The following ZNF277 variants were observed in gnomAD, a reference collection of about 807,000 sequenced individuals.
ZNF277 encodes the protein nuclear receptor-interacting factor 4.
Under a neutral mutation model 60.7 loss-of-function variants are expected in ZNF277, and 55 were observed. The observed-to-expected ratio is 0.91, with a 90% confidence interval of 0.73 to 1.13. ZNF277 has a LOEUF of 1.13. ZNF277 is among the 50% of genes most tolerant of loss of function. The probability of loss-of-function intolerance (pLI) is 0.00; values close to 1 mark genes in which losing one functional copy is unlikely to be tolerated. For missense variants in ZNF277, 510 were observed against 523.0 expected (o/e 0.98, Z 0.24); for synonymous variants, 178 against 179.3 (o/e 0.99, Z 0.06).
intron 1 of ZNF277, among the ~76,000 whole-genome samples, chr7:112,244,671 T>G (rs925013387): frequency 2.0e-5 from 3 of 152,108 alleles, no homozygotes; most frequent in African/African-American, 7.2e-5. Context: ...ACATATATAG[T>G]TTTCTCTATT....
At chr7:112,252,919 C>T (rs2117012036) in intron 1 of ZNF277, among the ~76,000 whole-genome samples, 1 of 152,210 alleles carries the variant, frequency 6.6e-6, no homozygotes, top group African/African-American at 2.4e-5. Flanking sequence ...AACTGGGCCA[C>T]CTACTGAGGA....
At chr7:112,293,017 G>A (rs570029117) in intron 2 of ZNF277, among the ~76,000 whole-genome samples, 10 of 152,148 alleles carry the variant, frequency 6.6e-5, no homozygotes, top group African/African-American at 1.9e-4. Context: ...TTTGGACAGC[G>A]TGCTTTACAT....
At chr7:112,258,436 C>T (rs570576281) in intron 1 of ZNF277, among the ~76,000 whole-genome samples, 1 of 151,680 alleles carries the variant, frequency 6.6e-6, no homozygotes, top group African/African-American at 2.4e-5. Context: ...CTATGCAAAG[C>T]CATACAGTAT....
chr7:112,280,719 G>A (rs755592236), intron 1 of ZNF277, among the ~76,000 whole-genome samples: 1 of 151,664 alleles, frequency 6.6e-6, no homozygotes, highest in African/African-American at 2.4e-5. Context: ...TCTGCTCCCC[G>A]GGTTCAAGCA....
chr7:112,317,677 GA>G (rs1792872244), intron 4 of ZNF277, among the ~76,000 whole-genome samples: 1 of 152,062 alleles, frequency 6.6e-6, no homozygotes, highest in South Asian at 2.1e-4. Context: ...GAATATGTTA[GA>G]AAAGGGATTG....
chr7:112,237,230 G>A (rs956117657), intron 1 of ZNF277, among the ~76,000 whole-genome samples: 22 of 152,066 alleles, frequency 1.4e-4, no homozygotes, highest in African/African-American at 2.9e-4. Flanking sequence ...CAAAAGCAGC[G>A]CTAAGAAGAA....
chr7:112,244,833 AT>A (rs1281194416), intron 1 of ZNF277, among the ~76,000 whole-genome samples: 1 of 152,102 alleles, frequency 6.6e-6, no homozygotes, highest in East Asian at 1.9e-4. Context: ...ATTAAACAAA[AT>A]TTTTTATAAT....
At chr7:112,325,557 G>A (rs978740429) in intron 5 of ZNF277, among the ~76,000 whole-genome samples, 4 of 152,128 alleles carry the variant, frequency 2.6e-5, no homozygotes, top group African/African-American at 7.2e-5. Flanking sequence ...GTTAGCCCTC[G>A]TTCCCTCACT....
At chr7:112,340,430 A>G (rs1459601208) in intron 10 of ZNF277, among the ~76,000 whole-genome samples, 1 of 152,246 alleles carries the variant, frequency 6.6e-6, no homozygotes, top group Non-Finnish European at 1.5e-5. Flanking sequence ...GATCTAAGAC[A>G]GTAAAAAACT....
intron 1 of ZNF277, among the ~76,000 whole-genome samples, chr7:112,259,816 A>T (rs1487309280): frequency 6.6e-6 from 1 of 152,144 alleles, no homozygotes; most frequent in Non-Finnish European, 1.5e-5. Flanking sequence ...TCTTTCTAGA[A>T]AGGAATAAAA....
intron 1 of ZNF277, among the ~76,000 whole-genome samples, chr7:112,215,509 G>A (rs565376212): frequency 9.2e-5 from 14 of 152,298 alleles, no homozygotes; most frequent in African/African-American, 2.6e-4. Flanking sequence ...AGTGTAGTTG[G>A]TGGGCTCTGC....
At chr7:112,219,731 G>A (rs1163134318) in intron 1 of ZNF277, among the ~76,000 whole-genome samples, 6 of 152,166 alleles carry the variant, frequency 3.9e-5, no homozygotes, top group Non-Finnish European at 8.8e-5. Flanking sequence ...GATCTATTGG[G>A]CTCAAGCAAT....
At chr7:112,270,089 G>C (rs1791635237) in intron 1 of ZNF277, among the ~76,000 whole-genome samples, 1 of 152,026 alleles carries the variant, frequency 6.6e-6, no homozygotes, top group African/African-American at 2.4e-5. Flanking sequence ...TTCGCATCCA[G>C]AATCAGTCCA....
intron 2 of ZNF277, 185 bp downstream of exon 2, chr7:112,287,259 C>T (rs1792090843): frequency 1.0e-5 from 6 of 602,018 alleles, no homozygotes; most frequent in Non-Finnish European, 1.7e-5. Context: ...CCTGTAGTTC[C>T]AGCTACTTGG....
chr7:112,260,391 CAT>C (rs1242278750), intron 1 of ZNF277, among the ~76,000 whole-genome samples: 4 of 152,218 alleles, frequency 2.6e-5, no homozygotes, highest in Non-Finnish European at 5.9e-5. Flanking sequence ...AAATATGTCA[CAT>C]ATTATTTACA....
At chr7:112,277,437 A>G (rs1360145360) in intron 1 of ZNF277, among the ~76,000 whole-genome samples, 1 of 152,108 alleles carries the variant, frequency 6.6e-6, no homozygotes, top group Non-Finnish European at 1.5e-5. Flanking sequence ...ATTAACATAC[A>G]CACAGTATTT....
At chr7:112,213,578 C>T (rs958292473) in intron 1 of ZNF277, among the ~76,000 whole-genome samples, 8 of 152,174 alleles carry the variant, frequency 5.3e-5, no homozygotes, top group African/African-American at 1.9e-4. Context: ...ATTTCATCTT[C>T]ATAGCAACCC....
chr7:112,218,810 T>C (rs1378229676), intron 1 of ZNF277, among the ~76,000 whole-genome samples: 1 of 152,246 alleles, frequency 6.6e-6, no homozygotes, highest in African/African-American at 2.4e-5. Flanking sequence ...TTCGTAAGGC[T>C]GAATGATACT....
rs1793487877 is a variant in ZNF277 at position 112,343,801 on chromosome 7, C to T, written c.*1072C>T. Reference sequence around the variant, plus strand: ...ATTAGCCAGGCATGGTGGAATGCACCTATAGTCCCAGCTACTTGGGAGGCT... The same window carrying T: ...ATTAGCCAGGCATGGTGGAATGCACTTATAGTCCCAGCTACTTGGGAGGCT... On this transcript the variant is annotated 3_prime_UTR_variant, in exon 12 of 12. Transcript: ENST00000361822. Among the ~76,000 whole-genome samples the T allele has an allele frequency of 1.3e-5, 2 of 151,850 alleles. No individual in the cohort carries two copies. The highest frequency in any genetic ancestry group is 2.1e-4 in the South Asian group (1 of 4,804).
Sources: gnomAD v4.1 joint callset for allele counts (sites outside exome capture counted in the v4.1 genomes callset) on GRCh38, gnomAD v4.1.1 for gene constraint, MANE v1.5 for transcripts, NCBI Gene and HGNC (gene_info 2026-07-23, HGNC 2026-07-21) for gene names.